NDRG2: variants seen among roughly 807,000 people sequenced by gnomAD.
NDRG2 encodes the protein NDRG family member 2, also known as protein NDRG2.
In NDRG2, 34 loss-of-function variants were observed where a neutral mutation model predicts 58.2. The ratio of observed to expected loss-of-function variants is 0.58; its 90% confidence interval spans 0.44 to 0.78. The LOEUF is 0.78. Ranked by LOEUF, NDRG2 falls within the 30% of genes least tolerant of loss-of-function variation. NDRG2 has a pLI of 0.00. For missense variants in NDRG2, 434 were observed against 471.2 expected (o/e 0.92, Z 0.73); for synonymous variants, 187 against 175.9 (o/e 1.06, Z -0.50).
rs943874807 is a variant in NDRG2, at chr14:21,065,549, A to G, written c.24+5279T>C. Among the ~76,000 whole-genome samples, 14 of 152,354 alleles carry G rather than the reference A, an allele frequency of 9.2e-5. 1 individual carries two copies. In the East Asian group the frequency reaches 1.2e-3, roughly 13 times the overall value. ...ATTATGATAGACAGAAAATAAATAC[A>G]TAATCAATAGAGAAAAATGCTATGA... On this transcript the variant is annotated intron_variant, in intron 1 of 14. Transcript: ENST00000403829.
chr14:21,024,757 C>T lies in NDRG2; in HGVS notation c.-734G>A. 1 of 985,556 alleles carries T rather than the reference C, an allele frequency of 1.0e-6. No homozygotes were observed. The highest frequency in any genetic ancestry group is 4.7e-5 in the South Asian group (1 of 21,296). 61.1% of individuals were successfully genotyped at this position (985,556 alleles called of 1,614,324 possible). On this transcript the variant is annotated 5_prime_UTR_variant, in exon 1 of 16. Coordinates refer to ENST00000556147, the MANE Select transcript of NDRG2 (RefSeq NM_001320329.2). ...GCCCAGCACCCGGAACCCGTCCCTA[C>T]GAGTCCCTACGCAGCCCGTCCGCGT... is the stretch of plus-strand genomic sequence containing the variant.
intron 1 of NDRG2, among the ~76,000 whole-genome samples, chr14:21,054,268 A>G (rs996289385): frequency 2.0e-5 from 3 of 152,132 alleles, no homozygotes; most frequent in Non-Finnish European, 4.4e-5. Context: ...AAATATTTCT[A>G]TCTCATGGGG....
chr14:21,021,277 G>A, intron 6 of NDRG2: 1 of 365,804 alleles, frequency 2.7e-6, no homozygotes, highest in Non-Finnish European at 5.4e-6. Flanking sequence ...GAGAGAATGA[G>A]GAAAAGAGTG....
chr14:21,051,904 G>A (rs569014071), intron 1 of NDRG2, among the ~76,000 whole-genome samples: 19 of 152,284 alleles, frequency 1.2e-4, no homozygotes, highest in South Asian at 4.1e-4. Context: ...AACTTCTCTG[G>A]CACCCTCGCT....
At chr14:21,069,929 C>T (rs1238565250) in intron 1 of NDRG2, among the ~76,000 whole-genome samples, 1 of 152,240 alleles carries the variant, frequency 6.6e-6, no homozygotes, top group Non-Finnish European at 1.5e-5. Context: ...AATTCACGCA[C>T]GCCCCAGCCT....
chr14:21,027,340 A>G (rs1883760265), upstream of NDRG2, among the ~76,000 whole-genome samples: 1 of 152,228 alleles, frequency 6.6e-6, no homozygotes, highest in Non-Finnish European at 1.5e-5. Flanking sequence ...AGTTTTAAGT[A>G]TCTGTTATGT....
rs7141555 is a variant in NDRG2, at chr14:21,067,469, A to T, written c.24+3359T>A. 2.4e-3 allele frequency among the ~76,000 whole-genome samples: 372 copies of T among 152,302 alleles called. 1 individual carries two copies. The Middle Eastern group carries it at 0.034, about 14-fold the overall frequency. On this transcript the variant is annotated intron_variant, in intron 1 of 14. Transcript: ENST00000403829. ...GAGACCCTATAACTTACTGGTTGCG[A>T]CTGAAGCCTCTGGCGTCAGACAGCC... is the stretch of plus-strand genomic sequence containing the variant.
chr14:21,018,697 C>T, intron 12 of NDRG2, 66 bp downstream of exon 12: 1 of 1,608,862 alleles, frequency 6.2e-7, no homozygotes, highest in Non-Finnish European at 8.5e-7. Context: ...TGGCAAGATA[C>T]TCTTCTGACC....
At chr14:21,053,621 C>T (rs576101430) in intron 1 of NDRG2, among the ~76,000 whole-genome samples, 4 of 151,632 alleles carry the variant, frequency 2.6e-5, no homozygotes, top group South Asian at 2.1e-4. Context: ...AGCAAGACTC[C>T]GTCTCAGAAA....
At chr14:21,026,695 C>T (rs1202600180), upstream of NDRG2, among the ~76,000 whole-genome samples, 2 of 152,088 alleles carry the variant, frequency 1.3e-5, no homozygotes, top group Non-Finnish European at 2.9e-5. Context: ...GCTCCCCCTA[C>T]ATCCCCCAAT....
chr14:21,059,394 T>C (rs1192472780), intron 1 of NDRG2, among the ~76,000 whole-genome samples: 1 of 152,126 alleles, frequency 6.6e-6, no homozygotes, highest in African/African-American at 2.4e-5. Context: ...CATATAACTA[T>C]AGAAAATACA....
chr14:21,030,530 C>A (rs973334441), upstream of NDRG2: 4 of 1,576,140 alleles, frequency 2.5e-6, no homozygotes, highest in African/African-American at 5.4e-5. Context: ...TCCCCCTTCT[C>A]CTTCACCCCC....
chr14:21,063,067 T>C (rs1167489327), intron 1 of NDRG2, among the ~76,000 whole-genome samples: 1 of 151,914 alleles, frequency 6.6e-6, no homozygotes, highest in Non-Finnish European at 1.5e-5. Flanking sequence ...GAGGTGGTGG[T>C]TGCAGTCAGC....
intron 1 of NDRG2, chr14:21,033,731 A>G (rs777260566): frequency 4.2e-6 from 4 of 962,726 alleles, no homozygotes; most frequent in Non-Finnish European, 5.1e-6. Flanking sequence ...CTCGTAAGTC[A>G]GGAAGGAAGT....
chr14:21,053,796 C>T (rs2139140888), intron 1 of NDRG2, among the ~76,000 whole-genome samples: 2 of 152,000 alleles, frequency 1.3e-5, no homozygotes, highest in African/African-American at 4.8e-5. Flanking sequence ...AGAGCAAGAC[C>T]CTGCCTTAAA....
intron 1 of NDRG2, among the ~76,000 whole-genome samples, chr14:21,069,744 G>T (rs1232925468): frequency 1.3e-5 from 2 of 152,200 alleles, no homozygotes; most frequent in Admixed American, 6.5e-5. Context: ...GGAATCCCCT[G>T]ATTTCCCGGC....
At chr14:21,021,997 C>A in intron 5 of NDRG2, 65 bp downstream of exon 5, 15 of 1,612,516 alleles carry the variant, frequency 9.3e-6, no homozygotes, top group African/African-American at 1.3e-5. Flanking sequence ...CCTCCCCAGT[C>A]GAACCTTTCC....
chr14:21,020,276 A>G, intron 8 of NDRG2: 1 of 546,126 alleles, frequency 1.8e-6, no homozygotes, highest in Admixed American at 3.1e-5. Context: ...CCTTGGCAAC[A>G]GAGTGAGACA....
chr14:21,067,277 G>A (rs1257542640), intron 1 of NDRG2, among the ~76,000 whole-genome samples: 1 of 73,850 alleles, frequency 1.4e-5, no homozygotes, highest in Admixed American at 2.0e-4. Flanking sequence ...TCTAGAAAAA[G>A]GTAGGTTTTT....
Sources: allele counts gnomAD v4.1 joint callset (sites outside exome capture counted in the v4.1 genomes callset), GRCh38; gene constraint gnomAD v4.1.1; transcripts MANE v1.5; gene names NCBI Gene and HGNC (gene_info 2026-07-23, HGNC 2026-07-21).